TNFRSF10A: variants seen among roughly 807,000 people sequenced by gnomAD.
The protein encoded by TNFRSF10A is TNF receptor superfamily member 10a, also known as tumor necrosis factor receptor superfamily member 10A.
A neutral mutation model predicts 42.8 loss-of-function variants in TNFRSF10A; 44 were observed. The ratio of observed to expected loss-of-function variants is 1.03; its 90% CI spans 0.81 to 1.32. TNFRSF10A has a LOEUF of 1.32. Ranked by LOEUF, TNFRSF10A falls within the 40% of genes most tolerant of loss-of-function variation. The probability of loss-of-function intolerance (pLI) is 0.00; values close to 1 mark genes in which losing one functional copy is unlikely to be tolerated. For missense variants in TNFRSF10A, 680 were observed against 602.0 expected (o/e 1.13, Z -1.36); for synonymous variants, 259 against 234.2 (o/e 1.11, Z -0.97).
At position 23,199,170 on chromosome 8, in the gene TNFRSF10A, C is replaced by A. The variant is rs568740599; in HGVS notation, c.1014+96G>T. The A allele has an allele frequency of 1.5e-4, 218 of 1,469,134 alleles. No homozygotes were observed. In the South Asian group the frequency reaches 2.5e-3, roughly 17 times the overall value. The allele number at this position is 1,469,134 out of a possible 1,614,324, so 91.0% of individuals were successfully genotyped here. On this transcript the variant is annotated intron_variant, in intron 8 of 9. Transcript: ENST00000221132. ...GCAGCCCCGTCCCCTGCAGTCCCAT[C>A]TCCCTCAGGCTCCACTTCCCCTTTG...
chr8:23,205,280 T>C (rs1355116662), intron 2 of TNFRSF10A, among the ~76,000 whole-genome samples: 1 of 152,176 alleles, frequency 6.6e-6, no homozygotes, highest in Non-Finnish European at 1.5e-5. Flanking sequence ...GGTGGTCCCA[T>C]AATATTATAA....
chr8:23,225,075 T>C lies in TNFRSF10A; in HGVS notation c.-14A>G, dbSNP rs778115086. ...TGGTGGCGCCATCCTGCCAGGTCAA[T>C]CCAAGAAGCAGCGTGCTTGGCTATG... On this transcript the variant is annotated 5_prime_UTR_variant, in exon 1 of 10. Coordinates refer to ENST00000221132, the MANE Select transcript of TNFRSF10A (RefSeq NM_003844.4). 6.7e-7 allele frequency: 1 copy of C among 1,498,894 alleles called. No individual in the cohort carries two copies. Among genetic ancestry groups the C allele is most frequent in the Non-Finnish European group, 8.9e-7 (1 of 1,125,700 alleles). The allele number at this position is 1,498,894 out of a possible 1,614,324, so 92.8% of individuals were successfully genotyped here.
At chr8:23,224,419 G>T in intron 1 of TNFRSF10A, 1 of 280,960 alleles carries the variant, frequency 3.6e-6, no homozygotes, top group East Asian at 8.3e-5. Flanking sequence ...GAGTTGGCTT[G>T]GAAGTTTACA....
At chr8:23,219,272 G>A (rs1482656888) in intron 1 of TNFRSF10A, among the ~76,000 whole-genome samples, 1 of 151,726 alleles carries the variant, frequency 6.6e-6, no homozygotes, top group Non-Finnish European at 1.5e-5. Context: ...CTTCCTGGGT[G>A]AGTGACTTTC....
chr8:23,207,819 C>T (rs1180147750), intron 2 of TNFRSF10A, among the ~76,000 whole-genome samples: 2 of 151,494 alleles, frequency 1.3e-5, no homozygotes, highest in African/African-American at 4.9e-5. Flanking sequence ...AAGACTTCCC[C>T]AGCCACGTAG....
At chr8:23,211,814 C>T (rs1801094637) in intron 2 of TNFRSF10A, among the ~76,000 whole-genome samples, 1 of 152,208 alleles carries the variant, frequency 6.6e-6, no homozygotes. Context: ...TGGATAGCCA[C>T]ATGCAAAAGA....
rs1201172611 is a variant in TNFRSF10A at position 23,201,805 on chromosome 8, C to T, written c.629+3G>A. On this transcript the variant is annotated splice_donor_region_variant and intron_variant, in intron 4 of 9. Transcript: ENST00000221132. ...GCTGGGAGCCCCTTGGCTGTTGTCT[C>T]ACCCTCTGCTGCACTTCCGGCACAT... 3 of 1,613,916 alleles carry T rather than the reference C, an allele frequency of 1.9e-6. No individual in the cohort carries two copies.
intron 7 of TNFRSF10A, 134 bp from the exon 8 acceptor site, chr8:23,199,582 A>G (rs766644105): frequency 1.7e-5 from 19 of 1,135,366 alleles, no homozygotes; most frequent in Non-Finnish European, 2.2e-5. Flanking sequence ...CAGCACATCC[A>G]GGACCTGCTG....
intron 6 of TNFRSF10A, among the ~76,000 whole-genome samples, chr8:23,200,181 C>A (rs1458226033): frequency 1.3e-5 from 2 of 152,252 alleles, no homozygotes; most frequent in East Asian, 3.8e-4. Context: ...ATAAATCCCA[C>A]AACCACTTCT....
intron 1 of TNFRSF10A, among the ~76,000 whole-genome samples, chr8:23,221,114 C>T (rs910634440): frequency 1.3e-5 from 2 of 152,188 alleles, no homozygotes; most frequent in African/African-American, 4.8e-5. Flanking sequence ...TATGGAGGTG[C>T]AGGTGGGAGC....
At chr8:23,218,283 AG>A (rs1563386537) in intron 1 of TNFRSF10A, among the ~76,000 whole-genome samples, 1 of 152,070 alleles carries the variant, frequency 6.6e-6, no homozygotes, top group African/African-American at 2.4e-5. Flanking sequence ...GTCATTCACC[AG>A]GGGGTTTCCT....
At chr8:23,206,045 C>G (rs11781775) in intron 2 of TNFRSF10A, among the ~76,000 whole-genome samples, 36,922 of 151,404 alleles carry the variant, frequency 0.24, 5,525 homozygotes, top group Non-Finnish European at 0.33. Flanking sequence ...TAGTTTTTAA[C>G]AAAAAAATTT....
At chr8:23,194,660 T>A (rs1800799395) in intron 9 of TNFRSF10A, among the ~76,000 whole-genome samples, 1 of 152,230 alleles carries the variant, frequency 6.6e-6, no homozygotes, top group Non-Finnish European at 1.5e-5. Context: ...GTTCACTGGC[T>A]ATTAAAAAAA....
chr8:23,222,796 T>G (rs1801274606), intron 1 of TNFRSF10A, among the ~76,000 whole-genome samples: 1 of 151,240 alleles, frequency 6.6e-6, no homozygotes, highest in African/African-American at 2.4e-5. Flanking sequence ...CCCCCAGGAG[T>G]TGTCAATCTT....
At chr8:23,207,330 C>G in intron 2 of TNFRSF10A, 1 of 593,270 alleles carries the variant, frequency 1.7e-6, no homozygotes, top group Non-Finnish European at 3.2e-6. Flanking sequence ...CTCCTGATTA[C>G]CATGTCTTGG....
intron 8 of TNFRSF10A, among the ~76,000 whole-genome samples, chr8:23,197,855 CT>C (rs956782142): frequency 6.6e-6 from 1 of 152,156 alleles, no homozygotes; most frequent in African/African-American, 2.4e-5. Flanking sequence ...CTCATAGTTA[CT>C]TGAGGAAAAA....
chr8:23,212,298 C>A, intron 1 of TNFRSF10A, 86 bp from the exon 2 acceptor site: 1 of 1,185,620 alleles, frequency 8.4e-7, no homozygotes. Flanking sequence ...TCCCCCAAGC[C>A]TCCAAAATTA....
intron 2 of TNFRSF10A, among the ~76,000 whole-genome samples, chr8:23,211,837 G>A (rs867909605): frequency 2.0e-5 from 3 of 152,196 alleles, no homozygotes; most frequent in South Asian, 2.1e-4. Context: ...GCAGTTGGAC[G>A]CTTATCTGAT....
rs372922187 is a variant in TNFRSF10A, at chr8:23,218,198, AAGAG to A, written c.307-5990_307-5987del. On this transcript the variant is annotated intron_variant, in intron 1 of 9. Coordinates refer to ENST00000221132, the MANE Select transcript of TNFRSF10A (RefSeq NM_003844.4). The stretch of plus-strand genomic sequence containing the variant: ...AGAGAGGGAGAGAGAGAAAGAGAGC[AAGAG>A]AGAGAGGTCTTGTTCCAGGTCTTCT... 4.8e-3 allele frequency among the ~76,000 whole-genome samples: 734 copies of A among 151,904 alleles called. 14 individuals carry two copies. Among genetic ancestry groups the A allele is most frequent in the Middle Eastern group, 0.037 (11 of 294 alleles).
Sources: gnomAD v4.1 joint callset for allele counts (sites outside exome capture counted in the v4.1 genomes callset) on GRCh38, gnomAD v4.1.1 for gene constraint, MANE v1.5 for transcripts, NCBI Gene and HGNC (gene_info 2026-07-23, HGNC 2026-07-21) for gene names.